LMX1A: variants seen among roughly 807,000 people sequenced by gnomAD.
LMX1A encodes the protein LIM homeobox transcription factor 1 alpha.
In LMX1A, 15 loss-of-function variants were observed where a neutral mutation model predicts 49.1. The observed-to-expected ratio is 0.31, with a 90% CI of 0.20 to 0.47. LMX1A has a LOEUF of 0.47. LMX1A is among the 20% of genes least tolerant of loss of function. The pLI is 1.00. For synonymous variants in LMX1A, 167 were observed against 185.7 expected (o/e 0.90, Z 0.82); for missense variants, 372 against 475.8 (o/e 0.78, Z 2.03).
intron 6 of LMX1A, 175 bp downstream of exon 6, chr1:165,210,524 C>T: frequency 6.9e-6 from 3 of 433,784 alleles, no homozygotes. Context: ...TCTCTCTCCC[C>T]TTCTGCAGGG....
intron 3 of LMX1A, among the ~76,000 whole-genome samples, chr1:165,280,696 T>C (rs17404691): frequency 0.29 from 43,647 of 152,140 alleles, 6,445 homozygotes; most frequent in Admixed American, 0.33. Context: ...AGTCTGCTTT[T>C]CTATTGCATA....
intron 4 of LMX1A, among the ~76,000 whole-genome samples, chr1:165,223,564 G>C (rs1020292188): frequency 1.3e-5 from 2 of 152,148 alleles, no homozygotes; most frequent in Non-Finnish European, 2.9e-5. Flanking sequence ...AGTGAGAAAG[G>C]CTTCTTAAAT....
intron 3 of LMX1A, among the ~76,000 whole-genome samples, chr1:165,323,106 C>T (rs1380190556): frequency 6.6e-6 from 1 of 152,188 alleles, no homozygotes. Flanking sequence ...TCACTACTTA[C>T]TGTCTTACCT....
At chr1:165,204,076 G>A (rs574515413) in intron 8 of LMX1A, 36 bp from the exon 9 acceptor site, 2 of 1,608,396 alleles carry the variant, frequency 1.2e-6, no homozygotes, top group East Asian at 4.5e-5. Flanking sequence ...TGAGGGTCTT[G>A]AAGAAGTGAC....
At chr1:165,216,265 C>T (rs1023786160) in intron 4 of LMX1A, 4 of 152,074 alleles carry the variant, frequency 2.6e-5, no homozygotes, top group African/African-American at 9.7e-5. Flanking sequence ...TAAGAAGATC[C>T]CACAGGAGGA....
At chr1:165,350,044 G>A (rs7538365) in intron 3 of LMX1A, among the ~76,000 whole-genome samples, 30,680 of 151,720 alleles carry the variant, frequency 0.2, 3,437 homozygotes, top group African/African-American at 0.29. Context: ...GGAAACCAAG[G>A]CACTGCCTGC....
At chr1:165,338,988 T>C (rs1468040949) in intron 3 of LMX1A, among the ~76,000 whole-genome samples, 2 of 152,190 alleles carry the variant, frequency 1.3e-5, no homozygotes, top group East Asian at 3.9e-4. Flanking sequence ...ATTGCACACA[T>C]CAGGCTGTTT....
intron 3 of LMX1A, among the ~76,000 whole-genome samples, chr1:165,345,580 C>G (rs527655763): frequency 4.6e-5 from 7 of 152,256 alleles, no homozygotes; most frequent in African/African-American, 1.7e-4. Context: ...ACTAAGGTGC[C>G]AGGCACAGTC....
chr1:165,289,645 C>T lies in LMX1A; in HGVS notation c.264-40005G>A, dbSNP rs183853462. ...CATCACTGCTGAGGGCAGGAACTGCCGTGTAGCACAAGAGGCTCTGGATAC... is the reference window on the plus strand; with the variant it reads ...CATCACTGCTGAGGGCAGGAACTGCTGTGTAGCACAAGAGGCTCTGGATAC... On this transcript the variant is annotated intron_variant, in intron 3 of 8. Coordinates refer to ENST00000342310, the MANE Select transcript of LMX1A (RefSeq NM_177398.4). 8.9e-4 allele frequency among the ~76,000 whole-genome samples: 135 copies of T among 152,346 alleles called. 1 individual carries two copies. Among genetic ancestry groups the T allele is most frequent in the Admixed American group, 5.2e-3 (79 of 15,304 alleles).
intron 3 of LMX1A, among the ~76,000 whole-genome samples, chr1:165,250,760 C>G (rs1389022832): frequency 1.3e-5 from 2 of 152,204 alleles, no homozygotes; most frequent in East Asian, 1.9e-4. Context: ...TGTGGGAGTA[C>G]AGAGGGGAAA....
At chr1:165,317,256 A>C (rs1364746091) in intron 3 of LMX1A, among the ~76,000 whole-genome samples, 2 of 152,358 alleles carry the variant, frequency 1.3e-5, no homozygotes, top group South Asian at 2.1e-4. Context: ...AAATGCAACT[A>C]TCCATAGATA....
At chr1:165,223,964 G>A (rs1651946765) in intron 4 of LMX1A, among the ~76,000 whole-genome samples, 1 of 152,186 alleles carries the variant, frequency 6.6e-6, no homozygotes, top group Non-Finnish European at 1.5e-5. Context: ...CAGTGATATG[G>A]TTTGGATCTG....
chr1:165,208,244 C>A lies in LMX1A; in HGVS notation c.748-112G>T, dbSNP rs1039413827. 5.5e-6 allele frequency: 5 copies of A among 915,118 alleles called. No homozygotes were observed. In the African/African-American group the frequency reaches 6.5e-5, roughly 12 times the overall value. The allele number at this position is 915,118 out of a possible 1,614,324, so 56.7% of individuals were successfully genotyped here. The stretch of plus-strand genomic sequence containing the variant: ...CCCGGGAGAGGGCTTGTTGGCAAAG[C>A]TCTGGCTCTTACTTAGTAAAGGAGC... On this transcript the variant is annotated intron_variant, in intron 6 of 8. Coordinates refer to ENST00000342310, the MANE Select transcript of LMX1A (RefSeq NM_177398.4).
At chr1:165,267,535 A>G (rs1233068914) in intron 3 of LMX1A, among the ~76,000 whole-genome samples, 2 of 152,164 alleles carry the variant, frequency 1.3e-5, no homozygotes, top group Non-Finnish European at 2.9e-5. Flanking sequence ...CTTTCATCCT[A>G]TACCTAGGAT....
chr1:165,325,606 T>C (rs1271437997), intron 3 of LMX1A, among the ~76,000 whole-genome samples: 1 of 152,076 alleles, frequency 6.6e-6, no homozygotes, highest in Non-Finnish European at 1.5e-5. Flanking sequence ...TTAATTACCA[T>C]TTCTTGCCTG....
At chr1:165,280,166 G>A (rs1011054562) in intron 3 of LMX1A, among the ~76,000 whole-genome samples, 5 of 152,114 alleles carry the variant, frequency 3.3e-5, no homozygotes, top group South Asian at 2.1e-4. Context: ...CAGCAGATTC[G>A]GGCTTATTGA....
In LMX1A at chr1:165,335,055, A is replaced by G. The variant is rs537878090; in HGVS notation, c.263+18021T>C. Among the ~76,000 whole-genome samples the G allele has an allele frequency of 3.3e-5, 5 of 152,354 alleles. No homozygotes were observed. The South Asian group carries it at 1.0e-3, about 32-fold the overall frequency. ...TGTTAAGAGGTTTACTGTGTGTTCA[A>G]ATTTGAAAGAAAATATTTCTATGTA... is the stretch of plus-strand genomic sequence containing the variant. On this transcript the variant is annotated intron_variant, in intron 3 of 8. Transcript: ENST00000342310.
At chr1:165,263,552 A>G (rs1653515131) in intron 3 of LMX1A, among the ~76,000 whole-genome samples, 1 of 152,204 alleles carries the variant, frequency 6.6e-6, no homozygotes, top group African/African-American at 2.4e-5. Context: ...AGCTCCCACT[A>G]TAGTCCTGCC....
rs181017835 is a variant in LMX1A at position 165,263,076 on chromosome 1, T to C, written c.264-13436A>G. ...TCCTGCTTTGTTCTTCCTTACCAAT[T>C]TCTCCTCATCTCCCTGACCATGAAA... On this transcript the variant is annotated intron_variant, in intron 3 of 8. Transcript: ENST00000342310. Among the ~76,000 whole-genome samples, 151 of 152,322 alleles carry C rather than the reference T, an allele frequency of 9.9e-4. 1 individual carries two copies. The highest frequency in any genetic ancestry group is 9.7e-3 in the Admixed American group (148 of 15,294).
Sources: allele counts gnomAD v4.1 joint callset (sites outside exome capture counted in the v4.1 genomes callset), GRCh38; gene constraint gnomAD v4.1.1; transcripts MANE v1.5; gene names NCBI Gene and HGNC (gene_info 2026-07-23, HGNC 2026-07-21).